The following COLEC11 variants were observed in gnomAD, a reference collection of about 807,000 sequenced individuals.
The protein encoded by COLEC11 is collectin subfamily member 11.
COLEC11 carries 20 observed loss-of-function variants against 27.3 expected under a neutral mutation model. The observed-to-expected ratio is 0.73, with a 90% CI of 0.51 to 1.06. The LOEUF (loss-of-function observed/expected upper bound fraction) is 1.06. Ranked by LOEUF, COLEC11 falls within the 50% of genes least tolerant of loss-of-function variation. The pLI is 0.00. For missense variants in COLEC11, 310 were observed against 383.0 expected (o/e 0.81, Z 1.59); for synonymous variants, 163 against 154.7 (o/e 1.05, Z -0.40).
chr2:3,610,234 C>T (rs1663083865), intron 2 of COLEC11, among the ~76,000 whole-genome samples: 1 of 152,192 alleles, frequency 6.6e-6, no homozygotes, highest in Non-Finnish European at 1.5e-5. Context: ...GGACATAGTG[C>T]CCGCCCCATG....
At chr2:3,604,014 T>G in intron 1 of COLEC11, 1 of 561,382 alleles carries the variant, frequency 1.8e-6, no homozygotes. Context: ...GTAGGAATCG[T>G]TTGTCCCAGA....
chr2:3,619,695 G>A (rs1343983695), intron 3 of COLEC11, among the ~76,000 whole-genome samples: 8 of 152,074 alleles, frequency 5.3e-5, no homozygotes, highest in Non-Finnish European at 7.4e-5. Flanking sequence ...GCATGATCTC[G>A]GCTCACTGCA....
At chr2:3,620,888 G>A (rs1321184981) in intron 3 of COLEC11, among the ~76,000 whole-genome samples, 1 of 152,196 alleles carries the variant, frequency 6.6e-6, no homozygotes, top group Non-Finnish European at 1.5e-5. Context: ...GTTGTGGTTA[G>A]AAGAGACGCT....
chr2:3,628,282 T>C (rs1455832575), intron 3 of COLEC11, among the ~76,000 whole-genome samples: 1 of 152,226 alleles, frequency 6.6e-6, no homozygotes, highest in Non-Finnish European at 1.5e-5. Context: ...AGAGAGCTGG[T>C]CTGTGGGACG....
chr2:3,605,006 A>T (rs2147856625), intron 2 of COLEC11: 1 of 469,116 alleles, frequency 2.1e-6, no homozygotes, highest in South Asian at 1.6e-5. Context: ...CTGCTCCCGG[A>T]TAGAGATAGT....
intron 3 of COLEC11, among the ~76,000 whole-genome samples, chr2:3,627,470 TG>T (rs1664642640): frequency 6.9e-6 from 1 of 144,588 alleles, no homozygotes; most frequent in African/African-American, 2.6e-5. Context: ...GGCATGATGA[TG>T]GAGGGCACGA....
At chr2:3,615,953 C>T (rs1277760269) in intron 3 of COLEC11, among the ~76,000 whole-genome samples, 3 of 150,600 alleles carry the variant, frequency 2.0e-5, no homozygotes, top group African/African-American at 7.3e-5. Flanking sequence ...ATGCTCCTCA[C>T]TTCCCAGACG....
At chr2:3,613,954 T>G (rs1200750572) in intron 3 of COLEC11, among the ~76,000 whole-genome samples, 2 of 149,832 alleles carry the variant, frequency 1.3e-5, no homozygotes, top group East Asian at 4.0e-4. Flanking sequence ...TTTTTTTAAG[T>G]GTTTTTTCTT....
At chr2:3,606,269 C>T in intron 2 of COLEC11, 2 of 1,538,820 alleles carry the variant, frequency 1.3e-6, no homozygotes, top group East Asian at 2.4e-5. Context: ...TGGTGGGGGC[C>T]GTGGGGTGGG....
In COLEC11 at chr2:3,643,726, G is replaced by T. The variant is rs781087377; in HGVS notation, c.425-1G>T. ...CTTTTCAACCCTGCCTTACCCCACA[G>T]CTGTCGCCGGTGTGCGCGAGACGGA... is the stretch of plus-strand genomic sequence containing the variant. On this transcript the variant is annotated splice_acceptor_variant, in intron 6 of 6. Coordinates refer to ENST00000349077, the MANE Select transcript of COLEC11 (RefSeq NM_024027.5). LOFTEE classifies it high-confidence loss of function. 1 of 1,613,630 alleles carries T rather than the reference G, an allele frequency of 6.2e-7. No homozygotes were observed. Among genetic ancestry groups the T allele is most frequent in the Non-Finnish European group, 8.5e-7 (1 of 1,179,948 alleles).
intron 3 of COLEC11, among the ~76,000 whole-genome samples, chr2:3,616,435 C>T (rs532076114): frequency 2.0e-5 from 3 of 152,266 alleles, no homozygotes; most frequent in East Asian, 3.9e-4. Context: ...TGTAGCAAGC[C>T]GAGATCACGC....
chr2:3,634,122 T>G lies in COLEC11; in HGVS notation c.203-3411T>G, dbSNP rs373145151. On this transcript the variant is annotated intron_variant, in intron 3 of 6. Coordinates refer to ENST00000349077, the MANE Select transcript of COLEC11 (RefSeq NM_024027.5). ...TCACGGCTTCAACAGAGGAATTTGG[T>G]GGGGGACACAGTTCCATCCACTGCA... Among the ~76,000 whole-genome samples, 12 of 152,130 alleles carry G rather than the reference T, an allele frequency of 7.9e-5. No homozygotes were observed. The South Asian group carries it at 2.5e-3, about 32-fold the overall frequency.
intron 5 of COLEC11, 143 bp from the exon 6 acceptor site, chr2:3,643,301 G>A: frequency 1.4e-6 from 1 of 717,838 alleles, no homozygotes; most frequent in Admixed American, 2.0e-5. Context: ...TTAGGATGAA[G>A]TGGGTGATGG....
intron 2 of COLEC11, among the ~76,000 whole-genome samples, chr2:3,607,737 A>C (rs4850064): frequency 0.74 from 112,419 of 152,180 alleles, 41,647 homozygotes; most frequent in South Asian, 0.89. Flanking sequence ...GTGTGAGCCA[A>C]CATACCTGGC....
chr2:3,598,815 G>T (rs944410298), intron 1 of COLEC11, among the ~76,000 whole-genome samples: 1 of 151,798 alleles, frequency 6.6e-6, no homozygotes, highest in Admixed American at 6.5e-5. Context: ...TGGTGGTGGA[G>T]TTGGGGCCGA....
At chr2:3,607,449 C>CTTTTTTTTTTTTTTTTT (rs377560723) in intron 2 of COLEC11, among the ~76,000 whole-genome samples, 8 of 109,170 alleles carry the variant, frequency 7.3e-5, no homozygotes, top group Non-Finnish European at 8.9e-5. Context: ...TTTTTTTTTG[C>CTTTTTTTTTTTTTTTTT]TTTTTTTTTT....
intron 3 of COLEC11, among the ~76,000 whole-genome samples, chr2:3,632,043 A>G (rs912408669): frequency 1.3e-5 from 2 of 152,124 alleles, no homozygotes; most frequent in African/African-American, 4.8e-5. Context: ...GTCTGAGTGA[A>G]ATCCACGCCA....
At chr2:3,619,187 C>T (rs1173565048) in intron 3 of COLEC11, among the ~76,000 whole-genome samples, 1 of 151,794 alleles carries the variant, frequency 6.6e-6, no homozygotes, top group African/African-American at 2.4e-5. Context: ...CCTCCCTCTC[C>T]CTTTCTCTTC....
At chr2:3,636,939 CAG>C (rs1232022884) in intron 3 of COLEC11, among the ~76,000 whole-genome samples, 12 of 152,150 alleles carry the variant, frequency 7.9e-5, no homozygotes, top group South Asian at 2.1e-4. Context: ...AAGCTGGGGA[CAG>C]GGGCCAGCAG....
Sources: allele counts gnomAD v4.1 joint callset (sites outside exome capture counted in the v4.1 genomes callset), GRCh38; gene constraint gnomAD v4.1.1; transcripts MANE v1.5; gene names NCBI Gene and HGNC (gene_info 2026-07-23, HGNC 2026-07-21).